Variants in MRTFA observed in about 807,000 individuals in gnomAD.
The protein encoded by MRTFA is myocardin related transcription factor A.
A neutral mutation model predicts 83.5 loss-of-function variants in MRTFA; 20 were observed. The observed-to-expected ratio is 0.24, with a 90% confidence interval of 0.17 to 0.35. MRTFA has a LOEUF of 0.35. Ranked by LOEUF, MRTFA falls within the 10% of genes least tolerant of loss-of-function variation. The pLI, the probability that MRTFA is intolerant of heterozygous loss-of-function variation, is 1.00. For missense variants in MRTFA, 1,200 were observed against 1,224.7 expected (o/e 0.98, Z 0.30); for synonymous variants, 659 against 541.2 (o/e 1.22, Z -3.02).
chr22:40,605,413 G>T (rs1032761390), intron 1 of MRTFA, among the ~76,000 whole-genome samples: 4 of 152,226 alleles, frequency 2.6e-5, no homozygotes, highest in Non-Finnish European at 5.9e-5. Flanking sequence ...ACCAACGGAT[G>T]ACAGTGCAGC....
At chr22:40,556,208 T>C (rs943772956) in intron 2 of MRTFA, among the ~76,000 whole-genome samples, 2 of 152,214 alleles carry the variant, frequency 1.3e-5, no homozygotes, top group Non-Finnish European at 2.9e-5. Context: ...TGAGATTCCC[T>C]GGGCATTCCT....
chr22:40,417,675 G>A (rs2052714795), intron 12 of MRTFA, 182 bp from the exon 13 acceptor site: 1 of 587,820 alleles, frequency 1.7e-6, no homozygotes, highest in Non-Finnish European at 3.0e-6. Flanking sequence ...ACAGGATGGG[G>A]GGCCCTCAAC....
intron 5 of MRTFA, among the ~76,000 whole-genome samples, chr22:40,434,182 T>C (rs2053123049): frequency 6.6e-6 from 1 of 152,144 alleles, no homozygotes; most frequent in Non-Finnish European, 1.5e-5. Context: ...GTCAAGTAAA[T>C]GGTGCCCAGT....
chr22:40,491,150 T>C (rs568192009), intron 3 of MRTFA, among the ~76,000 whole-genome samples: 15 of 152,310 alleles, frequency 9.8e-5, no homozygotes, highest in South Asian at 4.1e-4. Flanking sequence ...AAGACCAGCA[T>C]GGCCAAAATG....
Position 40,498,282 on chromosome 22 carries a change from T to A in MRTFA, c.242-34996A>T, listed in dbSNP as rs1214619520. Among the ~76,000 whole-genome samples, 221 of 102,374 alleles carry A rather than the reference T, an allele frequency of 2.2e-3. 2 individuals carry two copies. Among genetic ancestry groups the A allele is most frequent in the Middle Eastern group, 0.018 (4 of 224 alleles). 67.2% of individuals were successfully genotyped at this position (102,374 alleles called of 152,430 possible). A position where few individuals can be genotyped will look rare whatever the true frequency, so the allele number is the denominator to read the frequency against. ...ATATATATATATATATATTTTTTTTTTTTTTTTTTTTTTTTTTTTTGAGGC... is the reference window on the plus strand; with the variant it reads ...ATATATATATATATATATTTTTTTTATTTTTTTTTTTTTTTTTTTTGAGGC... On this transcript the variant is annotated intron_variant, in intron 3 of 14. Coordinates refer to ENST00000355630, the MANE Select transcript of MRTFA (RefSeq NM_020831.6).
intron 3 of MRTFA, among the ~76,000 whole-genome samples, chr22:40,513,654 T>A (rs2054706188): frequency 2.7e-5 from 4 of 145,670 alleles, no homozygotes; most frequent in South Asian, 2.2e-4. Flanking sequence ...GCTTGCCATT[T>A]AAAAAAAAAA....
In MRTFA at chr22:40,424,279, C is replaced by T. The variant is rs994250564; in HGVS notation, c.704G>A (p.Gly235Asp). ...GGCCTCCAGGGGTGACGGCACAGAA[C>T]CCTGGGACTCATGGCTGGCAGGCTG... Residue 235 changes from glycine to aspartate, a missense_variant, in exon 8 of 15, where the codon GGT (glycine) becomes GAT (aspartate). Gly to Asp is a moderately conservative substitution (Grantham distance 94, BLOSUM62 -1). Coordinates refer to ENST00000355630, the MANE Select transcript of MRTFA (RefSeq NM_020831.6). 6.2e-7 allele frequency: 1 copy of T among 1,612,634 alleles called. No homozygotes were observed. Among genetic ancestry groups the T allele is most frequent in the Non-Finnish European group, 8.5e-7 (1 of 1,179,452 alleles).
chr22:40,563,887 G>A (rs1246556743), intron 2 of MRTFA, among the ~76,000 whole-genome samples: 1 of 152,204 alleles, frequency 6.6e-6, no homozygotes, highest in African/African-American at 2.4e-5. Context: ...TGGCAGTGGA[G>A]TTAGACTGGA....
chr22:40,417,182 C>G (rs1213588210), intron 13 of MRTFA, 136 bp from the exon 14 acceptor site: 1 of 1,362,218 alleles, frequency 7.3e-7, no homozygotes, highest in African/African-American at 1.5e-5. Context: ...TGCCCGGACT[C>G]CTGGAGCCCG....
intron 3 of MRTFA, among the ~76,000 whole-genome samples, chr22:40,547,934 A>C (rs2055391290): frequency 3.3e-5 from 5 of 152,166 alleles, no homozygotes; most frequent in Admixed American, 3.3e-4. Flanking sequence ...ATTTCATCAT[A>C]AGCCTCACAG....
At chr22:40,583,476 C>T (rs1031292561) in intron 2 of MRTFA, among the ~76,000 whole-genome samples, 1 of 152,186 alleles carries the variant, frequency 6.6e-6, no homozygotes, top group Admixed American at 6.5e-5. Flanking sequence ...TGCAAGTAAT[C>T]AGACTTGCAA....
At chr22:40,563,075 A>G (rs752180871) in intron 2 of MRTFA, among the ~76,000 whole-genome samples, 1 of 152,154 alleles carries the variant, frequency 6.6e-6, no homozygotes. Flanking sequence ...CAGTAACAAT[A>G]TAACACTGCC....
chr22:40,438,915 T>C (rs1443841185), intron 4 of MRTFA, among the ~76,000 whole-genome samples: 3 of 152,194 alleles, frequency 2.0e-5, no homozygotes, highest in East Asian at 1.9e-4. Flanking sequence ...GACATTTTCA[T>C]GTAATGGCAA....
rs894548892 is a variant in MRTFA at position 40,570,577 on chromosome 22, C to CAAAAA, written c.-21-18215_-21-18211dup. ...TAGGCGACAGAGCGAGACTCTGTCT[C>CAAAAA]AAAAAAAAAAAAAAAAAAAAAAAAA... On this transcript the variant is annotated intron_variant, in intron 2 of 14. Transcript: ENST00000355630. 4.2e-3 allele frequency among the ~76,000 whole-genome samples: 98 copies of CAAAAA among 23,138 alleles called. 13 individuals carry two copies. The highest frequency in any genetic ancestry group is 6.0e-3 in the Non-Finnish European group (80 of 13,428). 15.2% of individuals were successfully genotyped at this position (23,138 alleles called of 152,430 possible).
At chr22:40,609,320 C>T (rs2056356659) in intron 1 of MRTFA, among the ~76,000 whole-genome samples, 1 of 150,066 alleles carries the variant, frequency 6.7e-6, no homozygotes, top group Non-Finnish European at 1.5e-5. Flanking sequence ...TACATTTAGC[C>T]AGAAAGTACA....
intron 7 of MRTFA, among the ~76,000 whole-genome samples, chr22:40,426,698 G>A (rs1328131926): frequency 4.6e-5 from 7 of 152,058 alleles, no homozygotes; most frequent in Non-Finnish European, 1.0e-4. Flanking sequence ...CTATAGTGTG[G>A]GTACTTCCCT....
intron 1 of MRTFA, among the ~76,000 whole-genome samples, chr22:40,630,642 C>G (rs1327693568): frequency 6.6e-6 from 1 of 152,190 alleles, no homozygotes; most frequent in African/African-American, 2.4e-5. Flanking sequence ...TTCACAAAAT[C>G]CGTCCTTTGA....
intron 3 of MRTFA, among the ~76,000 whole-genome samples, chr22:40,498,426 G>C (rs1179525457): frequency 6.7e-6 from 1 of 149,282 alleles, no homozygotes; most frequent in Non-Finnish European, 1.5e-5. Flanking sequence ...CGGGGACTAA[G>C]GTACAAGCTA....
At chr22:40,551,580 C>T (rs1354329106) in intron 3 of MRTFA, among the ~76,000 whole-genome samples, 1 of 152,152 alleles carries the variant, frequency 6.6e-6, no homozygotes, top group Non-Finnish European at 1.5e-5. Context: ...GTTGGCCAGG[C>T]TGGTCTCTTA....
Sources: allele counts gnomAD v4.1 joint callset (sites outside exome capture counted in the v4.1 genomes callset), GRCh38; gene constraint gnomAD v4.1.1; transcripts MANE v1.5; gene names NCBI Gene and HGNC (gene_info 2026-07-23, HGNC 2026-07-21).